The following GSG1L variants were observed in gnomAD, a reference collection of about 807,000 sequenced individuals.
GSG1L encodes GSG1 like.
A neutral mutation model predicts 42.1 loss-of-function variants in GSG1L; 24 were observed. That is an observed-to-expected ratio of 0.57 (90% CI 0.41 to 0.80). GSG1L has a LOEUF of 0.80. Ranked by LOEUF, GSG1L falls within the 30% of genes least tolerant of loss-of-function variation. The pLI, the probability that GSG1L is intolerant of heterozygous loss-of-function variation, is 0.00. For missense variants in GSG1L, 445 were observed against 472.2 expected, an observed-to-expected ratio of 0.94 and a Z score of 0.53; for synonymous variants, 215 against 203.5, an observed-to-expected ratio of 1.06 and a Z score of -0.48.
At chr16:27,887,468 G>A (rs893264016) in intron 2 of GSG1L, among the ~76,000 whole-genome samples, 3 of 152,162 alleles carry the variant, frequency 2.0e-5, no homozygotes, top group Non-Finnish European at 2.9e-5. Context: ...TTTCAATCAC[G>A]TGAACCAATT....
chr16:27,791,471 C>A lies in GSG1L; in HGVS notation c.899-4G>T. 6.8e-7 allele frequency: 1 copy of A among 1,475,490 alleles called. No homozygotes were observed. The highest frequency in any genetic ancestry group is 1.4e-5 in the South Asian group (1 of 69,704). The allele number at this position is 1,475,490 out of a possible 1,614,324, so 91.4% of individuals were successfully genotyped here. A position where few individuals can be genotyped will look rare whatever the true frequency, so the allele number is the denominator to read the frequency against. ...TCCGCCATGTGTGGCTGGTGTCCTGCCAGGAGACAAGGCGGTCAGTGCTGA... is the reference window on the plus strand; with the variant it reads ...TCCGCCATGTGTGGCTGGTGTCCTGACAGGAGACAAGGCGGTCAGTGCTGA... On this transcript the variant is annotated splice_region_variant and splice_polypyrimidine_tract_variant and intron_variant, in intron 6 of 6. Transcript: ENST00000447459.
At chr16:27,880,957 A>T (rs34015929) in intron 3 of GSG1L, among the ~76,000 whole-genome samples, 9,433 of 151,492 alleles carry the variant, frequency 0.062, 359 homozygotes, top group Middle Eastern at 0.096. Flanking sequence ...TCTCCCCTCC[A>T]GCCCCTTCCA....
At chr16:28,048,530 G>A (rs2086189754) in intron 1 of GSG1L, among the ~76,000 whole-genome samples, 3 of 152,056 alleles carry the variant, frequency 2.0e-5, no homozygotes, top group African/African-American at 7.2e-5. Context: ...CCAAAGTGCT[G>A]GGATTACAGG....
At chr16:28,010,492 G>A (rs1275141813) in intron 1 of GSG1L, among the ~76,000 whole-genome samples, 4 of 152,238 alleles carry the variant, frequency 2.6e-5, no homozygotes, top group Non-Finnish European at 4.4e-5. Context: ...GGACTAATAC[G>A]GGAGAGCTAT....
intron 2 of GSG1L, among the ~76,000 whole-genome samples, chr16:27,946,121 G>C (rs1484961950): frequency 6.6e-6 from 1 of 152,250 alleles, no homozygotes; most frequent in Non-Finnish European, 1.5e-5. Flanking sequence ...GGCTGAAATA[G>C]CACAGGACTG....
intron 1 of GSG1L, among the ~76,000 whole-genome samples, chr16:28,002,039 C>A (rs1274487751): frequency 1.3e-5 from 2 of 152,198 alleles, no homozygotes; most frequent in Non-Finnish European, 2.9e-5. Flanking sequence ...TGCATTCAAT[C>A]AACAAATACT....
intron 2 of GSG1L, among the ~76,000 whole-genome samples, chr16:27,955,295 G>T (rs185604426): frequency 6.6e-6 from 1 of 151,838 alleles, no homozygotes; most frequent in African/African-American, 2.4e-5. Context: ...ACAAGAAAAA[G>T]CTCTTAAAAT....
At chr16:27,894,860 C>T (rs1026095574) in intron 2 of GSG1L, among the ~76,000 whole-genome samples, 3 of 152,076 alleles carry the variant, frequency 2.0e-5, no homozygotes, top group African/African-American at 4.8e-5. Flanking sequence ...GTTCCACCTC[C>T]CAGGCTATTT....
At chr16:27,814,251 A>G (rs2083067130) in intron 5 of GSG1L, among the ~76,000 whole-genome samples, 1 of 152,126 alleles carries the variant, frequency 6.6e-6, no homozygotes, top group African/African-American at 2.4e-5. Flanking sequence ...AGCTGGGACT[A>G]CAGGCACACA....
In GSG1L at chr16:27,830,358, C is replaced by G. The variant is rs114984153; in HGVS notation, c.663-1402G>C. On this transcript the variant is annotated intron_variant, in intron 4 of 6. Transcript: ENST00000447459. ...AGCTGGTTTCTAAACATCATCACCA[C>G]CCCTGCATTCCCCATGGTCAATGAA... is the stretch of plus-strand genomic sequence containing the variant. Among the ~76,000 whole-genome samples the G allele has an allele frequency of 7.3e-3, 1,107 of 152,258 alleles. 13 individuals carry two copies. Among genetic ancestry groups the G allele is most frequent in the African/African-American group, 0.025 (1,027 of 41,538 alleles).
intron 1 of GSG1L, among the ~76,000 whole-genome samples, chr16:28,048,733 G>A (rs1043698191): frequency 5.3e-5 from 8 of 152,184 alleles, no homozygotes; most frequent in Non-Finnish European, 1.2e-4. Flanking sequence ...TGGCTAAAGT[G>A]GTGCTCAGAG....
At chr16:27,901,556 G>T (rs549989015) in intron 2 of GSG1L, among the ~76,000 whole-genome samples, 1 of 152,344 alleles carries the variant, frequency 6.6e-6, no homozygotes, top group African/African-American at 2.4e-5. Context: ...TCAAGTTTGT[G>T]CATGCATGTT....
chr16:27,819,021 G>A lies in GSG1L; in HGVS notation c.830+9768C>T, dbSNP rs564899297. Reference sequence around the variant, plus strand: ...TCCCAGCACTTTGGGAGGCCGAGGCGAGTGGATCACAAGGTCAGGAGTTCA... The same window carrying A: ...TCCCAGCACTTTGGGAGGCCGAGGCAAGTGGATCACAAGGTCAGGAGTTCA... On this transcript the variant is annotated intron_variant, in intron 5 of 6. Transcript: ENST00000447459. Among the ~76,000 whole-genome samples, 125 of 152,236 alleles carry A rather than the reference G, an allele frequency of 8.2e-4. 2 individuals are homozygous for A. In the South Asian group the frequency reaches 0.025, roughly 31 times the overall value.
intron 5 of GSG1L, among the ~76,000 whole-genome samples, chr16:27,812,350 A>G (rs759659466): frequency 5.3e-5 from 8 of 152,208 alleles, no homozygotes; most frequent in South Asian, 2.1e-4. Flanking sequence ...GCCAATAACT[A>G]TCTAGTCCAG....
At chr16:27,957,221 C>A (rs887446220) in intron 2 of GSG1L, among the ~76,000 whole-genome samples, 3 of 152,292 alleles carry the variant, frequency 2.0e-5, no homozygotes, top group African/African-American at 4.8e-5. Flanking sequence ...GTGGCACACG[C>A]CTGCAGTCCC....
chr16:28,029,076 C>T (rs564545596), intron 1 of GSG1L, among the ~76,000 whole-genome samples: 87 of 152,342 alleles, frequency 5.7e-4, no homozygotes, highest in African/African-American at 2.0e-3. Flanking sequence ...GTATCTGAGG[C>T]CTGTTTCTGA....
chr16:27,946,626 AG>A (rs1285220672), intron 2 of GSG1L, among the ~76,000 whole-genome samples: 20 of 18,174 alleles, frequency 1.1e-3, no homozygotes, highest in Admixed American at 6.2e-3. Context: ...AGAGAGAGAG[AG>A]AGAGAAAGAA....
intron 4 of GSG1L, among the ~76,000 whole-genome samples, chr16:27,837,242 C>T (rs1039765719): frequency 6.6e-6 from 1 of 152,220 alleles, no homozygotes; most frequent in Admixed American, 6.5e-5. Flanking sequence ...AAAACCAGCA[C>T]ATCTCATGAG....
chr16:28,027,899 G>C (rs2085917772), intron 1 of GSG1L, among the ~76,000 whole-genome samples: 2 of 152,234 alleles, frequency 1.3e-5, no homozygotes, highest in South Asian at 4.1e-4. Context: ...AGCTACTTGG[G>C]GGGCTAAGGT....
Sources: allele counts gnomAD v4.1 joint callset (sites outside exome capture counted in the v4.1 genomes callset), GRCh38; gene constraint gnomAD v4.1.1; transcripts MANE v1.5; gene names NCBI Gene and HGNC (gene_info 2026-07-23, HGNC 2026-07-21).